Variants in C4orf51 observed in about 807,000 individuals in gnomAD.
C4orf51 encodes the protein chromosome 4 open reading frame 51, also known as uncharacterized protein C4orf51.
In C4orf51, 25 loss-of-function variants were observed where a neutral mutation model predicts 25.2. That is an observed-to-expected ratio of 0.99 (90% CI 0.72 to 1.39). C4orf51 has a LOEUF of 1.39. C4orf51 is among the 40% of genes most tolerant of loss of function. The pLI, the probability that C4orf51 is intolerant of heterozygous loss-of-function variation, is 0.00. For missense variants in C4orf51, 252 were observed against 239.6 expected, an observed-to-expected ratio of 1.05 and a Z score of -0.34; for synonymous variants, 100 against 84.5, an observed-to-expected ratio of 1.18 and a Z score of -1.01.
At chr4:145,771,274 G>T (rs1003987948), downstream of C4orf51, among the ~76,000 whole-genome samples, 1 of 152,078 alleles carries the variant, frequency 6.6e-6, no homozygotes, top group Non-Finnish European at 1.5e-5. Context: ...CAGATCTCTC[G>T]ATTGTTTTCA....
intron 2 of C4orf51, among the ~76,000 whole-genome samples, chr4:145,707,166 C>G (rs1005419184): frequency 6.6e-6 from 1 of 151,996 alleles, no homozygotes; most frequent in African/African-American, 2.4e-5. Context: ...GTCTCGATCC[C>G]CTGACCTCGT....
At chr4:145,715,660 G>A (rs929418142) in intron 2 of C4orf51, among the ~76,000 whole-genome samples, 13 of 152,072 alleles carry the variant, frequency 8.5e-5, no homozygotes, top group Admixed American at 2.6e-4. Context: ...AAATCAATCC[G>A]TCCATGGGGA....
chr4:145,703,088 C>T (rs1178414752), intron 2 of C4orf51, among the ~76,000 whole-genome samples: 1 of 151,834 alleles, frequency 6.6e-6, no homozygotes, highest in African/African-American at 2.4e-5. Flanking sequence ...CAAGCCATCA[C>T]ATCCCCTGTG....
intron 2 of C4orf51, among the ~76,000 whole-genome samples, chr4:145,699,513 C>T (rs1730291845): frequency 1.3e-5 from 2 of 152,160 alleles, no homozygotes; most frequent in African/African-American, 4.8e-5. Context: ...GCAGTCTCTC[C>T]CTTCTCTTAA....
intron 2 of C4orf51, among the ~76,000 whole-genome samples, chr4:145,710,016 T>C (rs774826959): frequency 2.0e-5 from 3 of 152,190 alleles, no homozygotes; most frequent in Non-Finnish European, 4.4e-5. Flanking sequence ...TGTAGAAGTC[T>C]CTTACCACAA....
downstream of C4orf51, chr4:145,758,285 T>C (rs1734110335): frequency 6.6e-6 from 1 of 152,226 alleles, no homozygotes; most frequent in South Asian, 2.1e-4. Context: ...AGCAGTGAAA[T>C]GCATGGCATT....
chr4:145,787,236 G>A, the C4orf51 span, among the ~76,000 whole-genome samples: 3 of 152,146 alleles, frequency 2.0e-5, no homozygotes, highest in Admixed American at 6.5e-5. Flanking sequence ...AGGCCGAGGC[G>A]TGTGGATCAC....
chr4:145,768,275 C>T (rs776882652), intron 1 of C4orf51, among the ~76,000 whole-genome samples: 4 of 152,156 alleles, frequency 2.6e-5, no homozygotes, highest in Admixed American at 6.5e-5. Flanking sequence ...AGCAATTTTC[C>T]TGCCTCAGCC....
chr4:145,744,109 C>T lies in C4orf51; in HGVS notation n.168-10098C>T, dbSNP rs183249641. On this transcript the variant is annotated intron_variant and non_coding_transcript_variant, in intron 1 of 1. Transcript: ENST00000508981. ...ATTTCCATTCCTTATCAGCTGCCAA[C>T]ACACGATTTTCCATATATTTGTTGC... Among the ~76,000 whole-genome samples, 3 of 152,108 alleles carry T rather than the reference C, an allele frequency of 2.0e-5. No individual in the cohort carries two copies. The East Asian group carries it at 5.8e-4, about 29-fold the overall frequency.
At chr4:145,699,680 T>A (rs1352351385) in intron 2 of C4orf51, among the ~76,000 whole-genome samples, 1 of 152,186 alleles carries the variant, frequency 6.6e-6, no homozygotes, top group African/African-American at 2.4e-5. Context: ...GTTTCAAGAG[T>A]GTCAGACCAC....
At chr4:145,739,593 T>C (rs904621097) in intron 1 of C4orf51, among the ~76,000 whole-genome samples, 12 of 152,244 alleles carry the variant, frequency 7.9e-5, no homozygotes, top group African/African-American at 2.9e-4. Flanking sequence ...TGTGCATGTA[T>C]TATCTTTTAG....
chr4:145,776,313 TAGTC>T, the C4orf51 span, among the ~76,000 whole-genome samples: 8 of 151,862 alleles, frequency 5.3e-5, no homozygotes, highest in African/African-American at 1.5e-4. Context: ...TTTAAAAAAT[TAGTC>T]AGGTGTGGTG....
chr4:145,711,175 G>A (rs6841010), intron 2 of C4orf51, among the ~76,000 whole-genome samples: 5,356 of 152,120 alleles, frequency 0.035, 280 homozygotes, highest in African/African-American at 0.11. Context: ...CTGCTTTAAG[G>A]TCCATAAATA....
intron 2 of C4orf51, among the ~76,000 whole-genome samples, chr4:145,710,602 G>A (rs758127765): frequency 1.3e-5 from 2 of 152,162 alleles, no homozygotes; most frequent in Non-Finnish European, 2.9e-5. Context: ...GCCTCTTAAT[G>A]TGCACACTTG....
chr4:145,733,140 GCCCACGGCCCGCCCA>G (rs1732587415), downstream of C4orf51, among the ~76,000 whole-genome samples: 1 of 151,770 alleles, frequency 6.6e-6, no homozygotes, highest in Admixed American at 6.6e-5. Context: ...CCAAAGCCGC[GCCCACGGCCCGCCCA>G]CCCGCCGCCT....
chr4:145,741,908 C>G (rs544645320), intron 1 of C4orf51, among the ~76,000 whole-genome samples: 21 of 152,198 alleles, frequency 1.4e-4, no homozygotes, highest in African/African-American at 3.9e-4. Context: ...ACCATGTTGG[C>G]CAGGGTGGTC....
intron 2 of C4orf51, among the ~76,000 whole-genome samples, chr4:145,726,354 A>AG (rs1732054703): frequency 6.6e-6 from 1 of 152,192 alleles, no homozygotes; most frequent in East Asian, 1.9e-4. Context: ...ATTCGAAAAT[A>AG]TTCAATTTTC....
chr4:145,694,385 CTCCACCCGGCCAGCCG>C (rs1729891643), intron 1 of C4orf51, among the ~76,000 whole-genome samples: 1 of 146,404 alleles, frequency 6.8e-6, no homozygotes. Context: ...GGGGTCAGCC[CTCCACCCGGCCAGCCG>C]CCCCGTCTGG....
chr4:145,716,551 C>T (rs772208975), intron 2 of C4orf51, among the ~76,000 whole-genome samples: 20 of 152,144 alleles, frequency 1.3e-4, no homozygotes, highest in Non-Finnish European at 2.1e-4. Flanking sequence ...ATATAATTTC[C>T]GTCTCTCAGG....
Sources: gnomAD v4.1 joint callset for allele counts (sites outside exome capture counted in the v4.1 genomes callset) on GRCh38, gnomAD v4.1.1 for gene constraint, MANE v1.5 for transcripts, NCBI Gene and HGNC (gene_info 2026-07-23, HGNC 2026-07-21) for gene names.